The following GNG4 variants were observed in gnomAD, a reference collection of about 807,000 sequenced individuals.
The protein encoded by GNG4 is G protein subunit gamma 4, also known as guanine nucleotide-binding protein G(I)/G(S)/G(O) subunit gamma-4.
GNG4 carries 4 observed loss-of-function variants against 5.8 expected under a neutral mutation model. The observed-to-expected ratio is 0.69, with a 90% CI of 0.34 to 1.57. The LOEUF (loss-of-function observed/expected upper bound fraction) is 1.57, where lower values mean the gene tolerates loss of function less well. Among genes scored for constraint, GNG4 ranks in the 40% most tolerant of loss-of-function variants. The probability of loss-of-function intolerance (pLI) is 0.06; values close to 1 mark genes in which losing one functional copy is unlikely to be tolerated. For synonymous variants in GNG4, 29 were observed against 32.9 expected (o/e 0.88, Z 0.41); for missense variants, 96 against 95.1 (o/e 1.01, Z -0.04).
intron 2 of GNG4, among the ~76,000 whole-genome samples, chr1:235,590,664 G>A (rs1196130531): frequency 6.6e-6 from 1 of 152,108 alleles, no homozygotes; most frequent in Non-Finnish European, 1.5e-5. Flanking sequence ...ATCCTTAAGC[G>A]ATTTCATGTG....
At chr1:235,600,206 C>G (rs56723384) in intron 1 of GNG4, among the ~76,000 whole-genome samples, 4,162 of 148,838 alleles carry the variant, frequency 0.028, 179 homozygotes, top group African/African-American at 0.093. Flanking sequence ...CCTCCACCTC[C>G]TGGGTTCAAG....
At chr1:235,561,397 GCT>G (rs879363135) in intron 3 of GNG4, among the ~76,000 whole-genome samples, 1 of 144,896 alleles carries the variant, frequency 6.9e-6, no homozygotes, top group African/African-American at 2.9e-5. Flanking sequence ...ACGCGCTCGC[GCT>G]CTCTCTCTCT....
intron 1 of GNG4, among the ~76,000 whole-genome samples, chr1:235,627,772 G>C (rs1688845983): frequency 6.6e-6 from 1 of 152,160 alleles, no homozygotes; most frequent in South Asian, 2.1e-4. Flanking sequence ...GGAGTATACT[G>C]AACTCTTTGA....
chr1:235,612,594 C>T (rs903067974), intron 1 of GNG4, among the ~76,000 whole-genome samples: 1 of 152,136 alleles, frequency 6.6e-6, no homozygotes, highest in African/African-American at 2.4e-5. Flanking sequence ...ACGATCATGA[C>T]TCATTGCAGC....
chr1:235,611,854 G>A (rs1688483625), intron 1 of GNG4, among the ~76,000 whole-genome samples: 1 of 152,092 alleles, frequency 6.6e-6, no homozygotes, highest in Non-Finnish European at 1.5e-5. Context: ...CTTGAGTCCA[G>A]GAGTTCAAGA....
chr1:235,578,960 G>A (rs889846767), intron 3 of GNG4, among the ~76,000 whole-genome samples: 14 of 152,118 alleles, frequency 9.2e-5, no homozygotes, highest in African/African-American at 2.9e-4. Flanking sequence ...AGCTGGACGC[G>A]GTGGTGCACA....
intron 3 of GNG4, among the ~76,000 whole-genome samples, chr1:235,567,859 T>G (rs1408231855): frequency 1.3e-5 from 2 of 152,176 alleles, no homozygotes; most frequent in Non-Finnish European, 2.9e-5. Flanking sequence ...CCGATCCCAT[T>G]TCTATAATAT....
chr1:235,641,198 C>T (rs1046840403), intron 1 of GNG4, among the ~76,000 whole-genome samples: 2 of 152,012 alleles, frequency 1.3e-5, no homozygotes, highest in Admixed American at 1.3e-4. Context: ...CCAGCCTGGG[C>T]AACATAGTGA....
At chr1:235,593,778 G>A (rs1223253576) in intron 2 of GNG4, among the ~76,000 whole-genome samples, 2 of 152,152 alleles carry the variant, frequency 1.3e-5, no homozygotes, top group African/African-American at 4.8e-5. Context: ...CTCCCAGTGG[G>A]TTTGTGGTCT....
rs534805524 is a variant in GNG4 at position 235,625,454 on chromosome 1, G to A, written c.-123+24208C>T. ...ACATCAATATCACCTAAAGTCCATA[G>A]TTTACAATAGGGCTCACTCTTGGCA... On this transcript the variant is annotated intron_variant, in intron 1 of 3. Coordinates refer to ENST00000391854, the MANE Select transcript of GNG4 (RefSeq NM_001098722.2). Among the ~76,000 whole-genome samples, 4 of 152,232 alleles carry A rather than the reference G, an allele frequency of 2.6e-5. No homozygotes were observed. In the South Asian group the frequency reaches 8.3e-4, roughly 32 times the overall value.
At chr1:235,593,741 A>G (rs1688048027) in intron 2 of GNG4, among the ~76,000 whole-genome samples, 1 of 152,020 alleles carries the variant, frequency 6.6e-6, no homozygotes, top group African/African-American at 2.4e-5. Context: ...ACAGCTCTTA[A>G]GGCGGCGCGT....
chr1:235,562,624 A>T (rs892747559), intron 3 of GNG4, among the ~76,000 whole-genome samples: 7 of 149,340 alleles, frequency 4.7e-5, no homozygotes, highest in Non-Finnish European at 1.0e-4. Context: ...CAGCTTGGGC[A>T]ACAGAGCAAG....
intron 3 of GNG4, among the ~76,000 whole-genome samples, chr1:235,561,152 G>A (rs970217205): frequency 6.6e-6 from 1 of 152,186 alleles, no homozygotes; most frequent in Non-Finnish European, 1.5e-5. Flanking sequence ...TGGGACTACA[G>A]GCGCCTGCCA....
chr1:235,630,921 C>CA (rs1558503317), intron 1 of GNG4, among the ~76,000 whole-genome samples: 1 of 149,934 alleles, frequency 6.7e-6, no homozygotes, highest in Non-Finnish European at 1.5e-5. Context: ...TTTTTTGAGA[C>CA]AGAGTCTTGC....
At chr1:235,583,869 A>G (rs535545198) in intron 2 of GNG4, 21 bp from the exon 3 acceptor site, 1 of 1,464,788 alleles carries the variant, frequency 6.8e-7, no homozygotes, top group Non-Finnish European at 9.6e-7. Flanking sequence ...CCAAAGTAAA[A>G]GGGTTAGAAG....
At chr1:235,611,531 T>C (rs777970411) in intron 1 of GNG4, among the ~76,000 whole-genome samples, 3 of 152,132 alleles carry the variant, frequency 2.0e-5, no homozygotes, top group Non-Finnish European at 4.4e-5. Flanking sequence ...AGTGAGTAGA[T>C]TTGACCATTG....
intron 1 of GNG4, among the ~76,000 whole-genome samples, chr1:235,619,133 TAAAAAAA>T (rs71496930): frequency 2.0e-5 from 1 of 49,044 alleles, no homozygotes; most frequent in South Asian, 8.4e-4. Context: ...ACGCTGTCTC[TAAAAAAA>T]AAAAAAAAAA....
At chr1:235,587,293 GGT>G (rs1373254944) in intron 2 of GNG4, among the ~76,000 whole-genome samples, 3 of 86,790 alleles carry the variant, frequency 3.5e-5, no homozygotes, top group Non-Finnish European at 4.2e-5. Context: ...TGTGGGTTGG[GGT>G]GTGTGTGAGG....
intron 2 of GNG4, among the ~76,000 whole-genome samples, chr1:235,594,648 G>A (rs111338211): frequency 6.6e-6 from 1 of 152,288 alleles, no homozygotes; most frequent in Admixed American, 6.5e-5. Flanking sequence ...GCCCCTCACT[G>A]CCCGGGGCTT....
Sources: gnomAD v4.1 joint callset for allele counts (sites outside exome capture counted in the v4.1 genomes callset) on GRCh38, gnomAD v4.1.1 for gene constraint, MANE v1.5 for transcripts, NCBI Gene and HGNC (gene_info 2026-07-23, HGNC 2026-07-21) for gene names.